Variants in PDE4D observed in about 807,000 individuals in gnomAD.
The protein encoded by PDE4D is 3',5'-cyclic-AMP phosphodiesterase 4D.
In PDE4D, 24 loss-of-function variants were observed where a neutral mutation model predicts 87.4. The ratio of observed to expected loss-of-function variants is 0.27; its 90% CI spans 0.20 to 0.39. PDE4D has a LOEUF of 0.39. PDE4D is among the 10% of genes least tolerant of loss of function. PDE4D has a pLI of 1.00. For missense variants in PDE4D, 714 were observed against 1,041.0 expected, an observed-to-expected ratio of 0.69 and a Z score of 4.32; for synonymous variants, 384 against 383.2, an observed-to-expected ratio of 1.00 and a Z score of -0.02.
intron 5 of PDE4D, among the ~76,000 whole-genome samples, chr5:59,130,463 A>G (rs372901601): frequency 6.6e-6 from 1 of 152,370 alleles, no homozygotes; most frequent in East Asian, 1.9e-4. Context: ...TTTCATTAAT[A>G]ACAAAATTTA....
chr5:59,812,139 C>G (rs1192889197), intron 1 of PDE4D, among the ~76,000 whole-genome samples: 2 of 152,190 alleles, frequency 1.3e-5, no homozygotes, highest in African/African-American at 4.8e-5. Context: ...CCTTTCCTCC[C>G]TCTGCATGTC....
intron 1 of PDE4D, among the ~76,000 whole-genome samples, chr5:60,240,680 TAGAG>T (rs1180711343): frequency 1.3e-5 from 2 of 152,072 alleles, no homozygotes; most frequent in African/African-American, 4.8e-5. Flanking sequence ...TAGCTCAACA[TAGAG>T]AGAGATTCTG....
chr5:59,174,242 A>G (rs1783466643), intron 5 of PDE4D: 1 of 152,122 alleles, frequency 6.6e-6, no homozygotes, highest in Non-Finnish European at 1.5e-5. Flanking sequence ...TTACTTTTTA[A>G]TTTTCTACGT....
At chr5:59,762,979 A>C (rs1762358321) in intron 1 of PDE4D, among the ~76,000 whole-genome samples, 1 of 150,238 alleles carries the variant, frequency 6.7e-6, no homozygotes, top group Non-Finnish European at 1.5e-5. Flanking sequence ...GTAAACACAC[A>C]AACAGGACAC....
intron 1 of PDE4D, among the ~76,000 whole-genome samples, chr5:59,287,916 A>G (rs1429434305): frequency 6.6e-6 from 1 of 152,190 alleles, no homozygotes; most frequent in African/African-American, 2.4e-5. Flanking sequence ...TCCCTAATGC[A>G]GATATTCCTG....
intron 2 of PDE4D, among the ~76,000 whole-genome samples, chr5:59,197,982 G>T (rs1185544053): frequency 1.3e-5 from 2 of 152,140 alleles, no homozygotes; most frequent in African/African-American, 4.8e-5. Context: ...ATTTTTCTGA[G>T]TCTCTTCTGA....
At chr5:60,171,377 T>C (rs1783416097) in intron 2 of PDE4D, among the ~76,000 whole-genome samples, 1 of 152,014 alleles carries the variant, frequency 6.6e-6, no homozygotes, top group Admixed American at 6.6e-5. Context: ...CTGTTGTGCG[T>C]TTTCAGAATT....
intron 2 of PDE4D, among the ~76,000 whole-genome samples, chr5:60,025,786 G>A (rs1250940455): frequency 6.6e-6 from 1 of 152,080 alleles, no homozygotes; most frequent in Non-Finnish European, 1.5e-5. Context: ...CTTAAACCCA[G>A]GAGGTGGAGT....
Position 59,988,857 on chromosome 5 carries a change from T to A in PDE4D, c.43-140A>T, listed in dbSNP as rs115053685. On this transcript the variant is annotated intron_variant, in intron 2 of 16. Transcript: ENST00000502484. ...AATGCTATCTAGAAAACAGTGACAT[T>A]AACTGAACAATATTTGATTAACTAA... 1.6e-3 allele frequency: 786 copies of A among 491,138 alleles called. 8 individuals are homozygous for A. The highest frequency in any genetic ancestry group is 0.013 in the African/African-American group (693 of 51,378). The allele number at this position is 491,138 out of a possible 1,614,324, so 30.4% of individuals were successfully genotyped here.
intron 5 of PDE4D, among the ~76,000 whole-genome samples, chr5:59,136,327 T>C (rs976753602): frequency 6.6e-6 from 1 of 152,224 alleles, no homozygotes; most frequent in African/African-American, 2.4e-5. Flanking sequence ...ACTTAATATA[T>C]TCTTTTTAGA....
intron 2 of PDE4D, among the ~76,000 whole-genome samples, chr5:60,127,234 G>A (rs1779193082): frequency 6.6e-6 from 1 of 152,144 alleles, no homozygotes; most frequent in Non-Finnish European, 1.5e-5. Context: ...AAGGAGGCTG[G>A]AGACAAGGTG....
At chr5:59,991,263 G>T (rs748045791) in intron 2 of PDE4D, among the ~76,000 whole-genome samples, 3 of 152,106 alleles carry the variant, frequency 2.0e-5, no homozygotes, top group Non-Finnish European at 1.5e-5. Flanking sequence ...ACTGGAAGGG[G>T]TCTTAAGGTT....
At chr5:60,240,081 A>G (rs935654813) in intron 1 of PDE4D, among the ~76,000 whole-genome samples, 1 of 152,010 alleles carries the variant, frequency 6.6e-6, no homozygotes. Flanking sequence ...TAACCTATTT[A>G]TTAGTCTTTT....
At chr5:60,285,639 T>C (rs753955280) in intron 1 of PDE4D, among the ~76,000 whole-genome samples, 2 of 152,160 alleles carry the variant, frequency 1.3e-5, no homozygotes, top group Non-Finnish European at 1.5e-5. Context: ...ACTTCTACCC[T>C]AAGAAGAAAA....
At chr5:59,948,125 T>C (rs1488179520) in intron 3 of PDE4D, among the ~76,000 whole-genome samples, 2 of 152,202 alleles carry the variant, frequency 1.3e-5, no homozygotes, top group African/African-American at 4.8e-5. Flanking sequence ...GCGAGTGTAG[T>C]TAATAGTGCC....
intron 1 of PDE4D, among the ~76,000 whole-genome samples, chr5:60,326,725 G>T (rs1756828803): frequency 6.6e-6 from 1 of 152,110 alleles, no homozygotes; most frequent in Non-Finnish European, 1.5e-5. Context: ...ACTGGTTAAA[G>T]AACTCACAGA....
At chr5:60,460,393 A>T in intron 1 of PDE4D, 4 of 1,044,830 alleles carry the variant, frequency 3.8e-6, no homozygotes, top group Non-Finnish European at 4.5e-6. Context: ...CAAATAATGC[A>T]GTGCCTCTTC....
rs1363763431 is a variant in PDE4D, at chr5:60,322,365, CAT to C, written c.-89-136680_-89-136679del. 2.3e-4 allele frequency among the ~76,000 whole-genome samples: 23 copies of C among 101,476 alleles called. No individual in the cohort carries two copies. The South Asian group carries it at 3.4e-3, about 15-fold the overall frequency. The allele number at this position is 101,476 out of a possible 152,430, so 66.6% of individuals were successfully genotyped here. A position where few individuals can be genotyped will look rare whatever the true frequency, so the allele number is the denominator to read the frequency against. Reference sequence around the variant, plus strand: ...TAAACATTGAATATATATGGACACACATACACACACACACACACACACACACA... The same window carrying C: ...TAAACATTGAATATATATGGACACACACACACACACACACACACACACACA... On this transcript the variant is annotated intron_variant, in intron 1 of 16. Transcript: ENST00000502484.
chr5:59,070,826 C>G (rs761465359), intron 5 of PDE4D, among the ~76,000 whole-genome samples: 3 of 152,114 alleles, frequency 2.0e-5, no homozygotes, highest in Non-Finnish European at 4.4e-5. Flanking sequence ...TTATTAAATT[C>G]ATCTTCTTGA....
Sources: allele counts gnomAD v4.1 joint callset (sites outside exome capture counted in the v4.1 genomes callset), GRCh38; gene constraint gnomAD v4.1.1; transcripts MANE v1.5; gene names NCBI Gene and HGNC (gene_info 2026-07-23, HGNC 2026-07-21).